CHST11: variants seen among roughly 807,000 people sequenced by gnomAD.
CHST11 encodes the protein C4S-1.
In CHST11, 9 loss-of-function variants were observed where a neutral mutation model predicts 30.4. That is an observed-to-expected ratio of 0.30 (90% CI 0.18 to 0.52). The LOEUF is 0.52. Ranked by LOEUF, CHST11 falls within the 20% of genes least tolerant of loss-of-function variation. The pLI is 0.97. For missense variants in CHST11, 348 were observed against 460.6 expected, an observed-to-expected ratio of 0.76 and a Z score of 2.24; for synonymous variants, 152 against 187.8, an observed-to-expected ratio of 0.81 and a Z score of 1.56.
rs1481262456 is a variant in CHST11, at chr12:104,701,165, G to GGA, written c.205-55783_205-55782insAG. Among the ~76,000 whole-genome samples the GGA allele has an allele frequency of 2.1e-4, 32 of 152,240 alleles. 2 individuals are homozygous for GGA. Among genetic ancestry groups the GGA allele is most frequent in the Admixed American group, 9.8e-4 (15 of 15,284 alleles). On this transcript the variant is annotated intron_variant, in intron 2 of 2. Transcript: ENST00000303694. Reference sequence around the variant, plus strand: ...CCATCTGACACAGATGAGGCTCAGAGGGGTTGAGTAACCGGGCCAAAGTTA... The same window carrying GGA: ...CCATCTGACACAGATGAGGCTCAGAGGAGGGTTGAGTAACCGGGCCAAAGTTA...
intron 2 of CHST11, among the ~76,000 whole-genome samples, chr12:104,643,218 T>C (rs2039394613): frequency 6.6e-6 from 1 of 152,168 alleles, no homozygotes; most frequent in Non-Finnish European, 1.5e-5. Flanking sequence ...CCCAGCTACT[T>C]GTGGGAGGCT....
chr12:104,531,869 C>A (rs1266602317), intron 1 of CHST11, among the ~76,000 whole-genome samples: 1 of 152,200 alleles, frequency 6.6e-6, no homozygotes, highest in Non-Finnish European at 1.5e-5. Context: ...AAGACCAGAC[C>A]ATGACTATGG....
intron 2 of CHST11, among the ~76,000 whole-genome samples, chr12:104,752,300 A>G (rs1021796768): frequency 5.3e-5 from 8 of 151,998 alleles, no homozygotes; most frequent in African/African-American, 1.9e-4. Flanking sequence ...CTCTTCTTAT[A>G]AGGACACCAC....
chr12:104,470,054 G>T (rs765696525), intron 1 of CHST11, among the ~76,000 whole-genome samples: 5 of 152,186 alleles, frequency 3.3e-5, no homozygotes, highest in Non-Finnish European at 5.9e-5. Flanking sequence ...AGACATTTTG[G>T]GTTGTCATTA....
intron 2 of CHST11, among the ~76,000 whole-genome samples, chr12:104,706,676 C>G (rs2040038896): frequency 1.3e-5 from 2 of 152,148 alleles, no homozygotes; most frequent in African/African-American, 2.4e-5. Flanking sequence ...TGGAAGTGGG[C>G]TTTCTGACAC....
chr12:104,754,549 C>T (rs1241353416), intron 2 of CHST11, among the ~76,000 whole-genome samples: 1 of 152,190 alleles, frequency 6.6e-6, no homozygotes. Flanking sequence ...TGCAGGGCTT[C>T]CTAATAGGCT....
intron 2 of CHST11, among the ~76,000 whole-genome samples, chr12:104,621,926 G>A (rs568972206): frequency 2.6e-5 from 4 of 152,354 alleles, no homozygotes; most frequent in Admixed American, 6.5e-5. Flanking sequence ...TAAGCAGTCC[G>A]GCAGCAGCGT....
rs972912031 is a variant in CHST11, at chr12:104,729,758, C to T, written c.205-27191C>T. Among the ~76,000 whole-genome samples the T allele has an allele frequency of 7.9e-5, 12 of 152,010 alleles. No individual in the cohort carries two copies. Among genetic ancestry groups the T allele is most frequent in the African/African-American group, 2.4e-4 (10 of 41,366 alleles). On this transcript the variant is annotated intron_variant, in intron 2 of 2. Coordinates refer to ENST00000303694, the MANE Select transcript of CHST11 (RefSeq NM_018413.6). This position sits in a 1 kb window ranked among gnomAD's most constrained non-coding sequence, Gnocchi z 4.0. ...TGTACCTAGGAGTTGAGGGGGAGCTCGATGGCGCTGGGGCAGAGGTCTGCG... is the reference window on the plus strand; with the variant it reads ...TGTACCTAGGAGTTGAGGGGGAGCTTGATGGCGCTGGGGCAGAGGTCTGCG...
At chr12:104,547,060 C>A (rs2038357795) in intron 1 of CHST11, among the ~76,000 whole-genome samples, 1 of 152,234 alleles carries the variant, frequency 6.6e-6, no homozygotes, top group African/African-American at 2.4e-5. Context: ...TTCGACCACT[C>A]TTGCAAATAC....
intron 1 of CHST11, among the ~76,000 whole-genome samples, chr12:104,545,932 C>T (rs2038343389): frequency 6.6e-6 from 1 of 152,024 alleles, no homozygotes; most frequent in South Asian, 2.1e-4. Context: ...CTCAGGTGAT[C>T]CTCCCATCTC....
At chr12:104,717,312 C>A (rs953971952) in intron 2 of CHST11, among the ~76,000 whole-genome samples, 1 of 152,184 alleles carries the variant, frequency 6.6e-6, no homozygotes, top group Non-Finnish European at 1.5e-5. Context: ...TGAAGGAATT[C>A]TCCATTTAGC....
intron 1 of CHST11, among the ~76,000 whole-genome samples, chr12:104,482,102 C>T (rs956982748): frequency 1.1e-4 from 16 of 152,076 alleles, no homozygotes; most frequent in African/African-American, 1.4e-4. Context: ...CCACCCACCT[C>T]AGCCTCCCCA....
chr12:104,694,292 C>T (rs2039924553), intron 2 of CHST11, among the ~76,000 whole-genome samples: 1 of 152,138 alleles, frequency 6.6e-6, no homozygotes, highest in African/African-American at 2.4e-5. Flanking sequence ...CACTTAACCT[C>T]TCTGAATCTG....
chr12:104,673,233 C>T (rs779855945), intron 2 of CHST11, among the ~76,000 whole-genome samples: 6 of 152,236 alleles, frequency 3.9e-5, no homozygotes, highest in South Asian at 4.2e-4. Context: ...CTGCAAAGAC[C>T]GTTTATCCAG....
chr12:104,576,972 A>T (rs1299938291), intron 1 of CHST11, among the ~76,000 whole-genome samples: 1 of 152,084 alleles, frequency 6.6e-6, no homozygotes, highest in African/African-American at 2.4e-5. Context: ...GTGGCATTGC[A>T]GGGGTGAGGG....
intron 1 of CHST11, among the ~76,000 whole-genome samples, chr12:104,461,491 G>A (rs1469203162): frequency 6.6e-6 from 1 of 152,234 alleles, no homozygotes; most frequent in African/African-American, 2.4e-5. Context: ...GTGTCATGCA[G>A]TGCAAAGCTG....
Position 104,677,835 on chromosome 12 carries a change from A to G in CHST11, c.204+75844A>G, listed in dbSNP as rs74862004. 1.7e-3 allele frequency among the ~76,000 whole-genome samples: 258 copies of G among 152,272 alleles called. 7 individuals carry two copies. Among genetic ancestry groups the G allele is most frequent in the Admixed American group, 0.014 (207 of 15,300 alleles). ...CCTGCTTGCCTTCCAGCCCCACCTC[A>G]TATCACCCTGTCCCTCAGTTGCTGT... On this transcript the variant is annotated intron_variant, in intron 2 of 2. Coordinates refer to ENST00000303694, the MANE Select transcript of CHST11 (RefSeq NM_018413.6).
intron 2 of CHST11, among the ~76,000 whole-genome samples, chr12:104,733,467 C>T (rs1157819302): frequency 6.6e-6 from 1 of 152,216 alleles, no homozygotes; most frequent in African/African-American, 2.4e-5. Context: ...CCCAGGGCTG[C>T]ATGATGGAAC....
chr12:104,642,134 A>G (rs1266658061), intron 2 of CHST11, among the ~76,000 whole-genome samples: 2 of 152,194 alleles, frequency 1.3e-5, no homozygotes, highest in East Asian at 3.9e-4. Context: ...GTAGGTACAT[A>G]GTACTCATCT....
Sources: allele counts gnomAD v4.1 joint callset (sites outside exome capture counted in the v4.1 genomes callset), GRCh38; gene constraint gnomAD v4.1.1; non-coding constraint Gnocchi (gnomAD v3.1); transcripts MANE v1.5; gene names NCBI Gene and HGNC (gene_info 2026-07-23, HGNC 2026-07-21).